Variants in CDH20 observed in about 807,000 individuals in gnomAD.
The protein encoded by CDH20 is cadherin 20, also known as cadherin-20.
CDH20 carries 29 observed loss-of-function variants against 74.2 expected under a neutral mutation model. The ratio of observed to expected loss-of-function variants is 0.39; its 90% CI spans 0.29 to 0.53. The LOEUF is 0.53. Among genes scored for constraint, CDH20 ranks in the 20% least tolerant of loss-of-function variants. The pLI is 0.69. For synonymous variants in CDH20, 469 were observed against 405.4 expected (o/e 1.16, Z -1.88); for missense variants, 988 against 1,048.3 (o/e 0.94, Z 0.79).
intron 6 of CDH20, among the ~76,000 whole-genome samples, chr18:61,520,340 G>GACA (rs1912162760): frequency 7.6e-6 from 1 of 131,128 alleles, no homozygotes; most frequent in Admixed American, 7.9e-5. Context: ...AAAAGACAAA[G>GACA]AAGGGCATTA....
At chr18:61,337,428 C>T (rs1909794925) in intron 1 of CDH20, among the ~76,000 whole-genome samples, 1 of 152,120 alleles carries the variant, frequency 6.6e-6, no homozygotes, top group African/African-American at 2.4e-5. Flanking sequence ...GCAAATAGCA[C>T]CAGATTGTTA....
intron 11 of CDH20, among the ~76,000 whole-genome samples, chr18:61,552,175 GT>G (rs35819952): frequency 0.035 from 5,289 of 150,050 alleles, 196 homozygotes; most frequent in African/African-American, 0.091. Context: ...GACTTCCTGG[GT>G]TTTTTTTTTT....
chr18:61,403,150 G>C (rs1352429795), intron 1 of CDH20, among the ~76,000 whole-genome samples: 1 of 152,016 alleles, frequency 6.6e-6, no homozygotes, highest in African/African-American at 2.4e-5. Context: ...CATCAATTTT[G>C]GCTTAGAGAA....
intron 3 of CDH20, 92 bp from the exon 4 acceptor site, chr18:61,500,291 C>A: frequency 7.4e-7 from 1 of 1,350,954 alleles, no homozygotes; most frequent in Non-Finnish European, 1.0e-6. Flanking sequence ...GAAGCAAACA[C>A]ATTTGCAAAT....
intron 1 of CDH20, among the ~76,000 whole-genome samples, chr18:61,344,596 C>T (rs1462388356): frequency 6.6e-6 from 1 of 152,166 alleles, no homozygotes; most frequent in Non-Finnish European, 1.5e-5. Flanking sequence ...AAATTATTTG[C>T]TGCTTTCTGT....
At chr18:61,457,263 C>G (rs1211428957) in intron 1 of CDH20, among the ~76,000 whole-genome samples, 1 of 152,046 alleles carries the variant, frequency 6.6e-6, no homozygotes, top group African/African-American at 2.4e-5. Context: ...TCTAGAACAC[C>G]TGGTCTGAAT....
intron 1 of CDH20, among the ~76,000 whole-genome samples, chr18:61,359,273 A>G (rs1271195344): frequency 6.6e-6 from 1 of 152,090 alleles, no homozygotes; most frequent in African/African-American, 2.4e-5. Context: ...TCCTTATCCC[A>G]AAGATTTAAC....
chr18:61,437,800 A>C (rs1348572839), intron 1 of CDH20, among the ~76,000 whole-genome samples: 4 of 152,146 alleles, frequency 2.6e-5, no homozygotes, highest in Non-Finnish European at 5.9e-5. Flanking sequence ...AAATTCTATG[A>C]TTCCATAAAA....
At position 61,480,227 on chromosome 18, in the gene CDH20, C is replaced by T. The variant is rs115520271; in HGVS notation, c.-152-10175C>T. On this transcript the variant is annotated intron_variant, in intron 1 of 11. Transcript: ENST00000262717. Reference sequence around the variant, plus strand: ...TTAAAATCTAAGCCATCAGAGGTAACTCTGACGGTCATATCCCTTTAACTT... The same window carrying T: ...TTAAAATCTAAGCCATCAGAGGTAATTCTGACGGTCATATCCCTTTAACTT... Among the ~76,000 whole-genome samples, 430 of 152,298 alleles carry T rather than the reference C, an allele frequency of 2.8e-3. 1 individual carries two copies. The highest frequency in any genetic ancestry group is 9.4e-3 in the African/African-American group (392 of 41,566).
rs778051658 is a variant in CDH20, at chr18:61,507,425, G to A, written c.882G>A (p.Gly294=). 2 of 1,614,120 alleles carry A rather than the reference G, an allele frequency of 1.2e-6. No homozygotes were observed. Among genetic ancestry groups the A allele is most frequent in the South Asian group, 1.1e-5 (1 of 91,068 alleles). ...CAGCTCCAATTAGCTCCACTGTCGG[G>A]AGAGTGTTTGCCAAGGACTTGGATG... ...LESAPISSTV[G]RVFAKDLDEG... is the part of the protein sequence containing the mutation. The change falls in exon 6 of 12, where the codon GGG becomes GGA. Residue 294 remains glycine, a synonymous_variant. Transcript: ENST00000262717.
At chr18:61,505,901 G>A (rs1488118434) in intron 5 of CDH20, among the ~76,000 whole-genome samples, 2 of 152,100 alleles carry the variant, frequency 1.3e-5, no homozygotes, top group African/African-American at 2.4e-5. Context: ...ACTAAGTTTA[G>A]ATGACCTTGA....
intron 1 of CDH20, among the ~76,000 whole-genome samples, chr18:61,372,044 T>C (rs150155984): frequency 6.6e-6 from 1 of 152,234 alleles, no homozygotes; most frequent in East Asian, 1.9e-4. Flanking sequence ...AGATTGGAGT[T>C]TATAGTCAGG....
intron 1 of CDH20, among the ~76,000 whole-genome samples, chr18:61,452,970 A>G (rs990780375): frequency 1.3e-5 from 2 of 152,222 alleles, no homozygotes; most frequent in Non-Finnish European, 2.9e-5. Context: ...ATAAGTTCAC[A>G]TAAGGTTATG....
intron 1 of CDH20, among the ~76,000 whole-genome samples, chr18:61,339,224 C>A (rs1909855228): frequency 6.6e-6 from 1 of 151,996 alleles, no homozygotes; most frequent in Non-Finnish European, 1.5e-5. Context: ...TTAAAATGTA[C>A]AATATCTCTT....
intron 1 of CDH20, among the ~76,000 whole-genome samples, chr18:61,451,388 A>G (rs2144338216): frequency 6.6e-6 from 1 of 152,264 alleles, no homozygotes; most frequent in East Asian, 1.9e-4. Flanking sequence ...GCTATTATCT[A>G]TGCTCTTGAA....
chr18:61,402,799 A>G (rs1019173293), intron 1 of CDH20, among the ~76,000 whole-genome samples: 3 of 152,210 alleles, frequency 2.0e-5, no homozygotes, highest in Non-Finnish European at 4.4e-5. Flanking sequence ...TTATGTTTCA[A>G]TATTGAAACT....
At chr18:61,363,438 G>A (rs1040583827) in intron 1 of CDH20, among the ~76,000 whole-genome samples, 3 of 152,032 alleles carry the variant, frequency 2.0e-5, no homozygotes, top group Admixed American at 6.6e-5. Flanking sequence ...TTATAGTGGG[G>A]GAAAAAGTAT....
intron 1 of CDH20, among the ~76,000 whole-genome samples, chr18:61,352,530 G>T (rs951835035): frequency 6.6e-6 from 1 of 152,134 alleles, no homozygotes; most frequent in Non-Finnish European, 1.5e-5. Flanking sequence ...AATTATTACA[G>T]CATTCAGTAC....
chr18:61,541,542 T>C (rs1913039174), intron 9 of CDH20, among the ~76,000 whole-genome samples: 1 of 152,188 alleles, frequency 6.6e-6, no homozygotes, highest in Non-Finnish European at 1.5e-5. Flanking sequence ...TTTAATAGTT[T>C]GTTATACAGT....
Sources: allele counts gnomAD v4.1 joint callset (sites outside exome capture counted in the v4.1 genomes callset), GRCh38; gene constraint gnomAD v4.1.1; transcripts MANE v1.5; gene names NCBI Gene and HGNC (gene_info 2026-07-23, HGNC 2026-07-21).